TMEM218: variants seen among roughly 807,000 people sequenced by gnomAD.
TMEM218 encodes transmembrane protein 218.
A neutral mutation model predicts 10.0 loss-of-function variants in TMEM218; 8 were observed. The ratio of observed to expected loss-of-function variants is 0.80; its 90% confidence interval spans 0.47 to 1.44. The LOEUF is 1.44. Among genes scored for constraint, TMEM218 ranks in the 40% most tolerant of loss-of-function variants. The pLI is 0.00. For missense variants in TMEM218, 110 were observed against 140.1 expected (o/e 0.79, Z 1.08); for synonymous variants, 66 against 63.5 (o/e 1.04, Z -0.18).
In TMEM218 at chr11:125,107,885, C is replaced by CA. The variant is rs56007000; in HGVS notation, c.-153+3653dup. Among the ~76,000 whole-genome samples the CA allele has an allele frequency of 8.5e-3, 868 of 101,608 alleles. 7 individuals carry two copies. Among genetic ancestry groups the CA allele is most frequent in the African/African-American group, 0.024 (693 of 29,194 alleles). 66.7% of individuals were successfully genotyped at this position (101,608 alleles called of 152,430 possible). A position where few individuals can be genotyped will look rare whatever the true frequency, so the allele number is the denominator to read the frequency against. On this transcript the variant is annotated intron_variant, in intron 1 of 4. Coordinates refer to ENST00000682305, the MANE Select transcript of TMEM218 (RefSeq NM_001258244.2). ...TAAAATTATAAAACTTTATCAAAGA[C>CA]AAAAAAAAAAAAAAGAGAGAGAGAG...
chr11:125,109,298 G>GACGA (rs1953082444), intron 1 of TMEM218, among the ~76,000 whole-genome samples: 1 of 152,060 alleles, frequency 6.6e-6, no homozygotes, highest in Non-Finnish European at 1.5e-5. Flanking sequence ...TATTGTTTCT[G>GACGA]ACGAACGTAT....
chr11:125,111,166 ACC>A (rs1349637059), intron 1 of TMEM218, among the ~76,000 whole-genome samples: 1 of 152,102 alleles, frequency 6.6e-6, no homozygotes, highest in African/African-American at 2.4e-5. Flanking sequence ...GCCTGGGAAC[ACC>A]CCACTTGAAC....
In TMEM218 at chr11:125,102,270, C is replaced by T. The variant is rs2135781065; in HGVS notation, c.-29G>A. On this transcript the variant is annotated 5_prime_UTR_variant, in exon 3 of 5. Transcript: ENST00000682305. ...GCGGGGAGGCAGCGGCGGCCCCCCG[C>T]CCTGCGCGCCGCACGATCGAGTGTC... The T allele has an allele frequency of 3.1e-6, 5 of 1,606,756 alleles. No individual in the cohort carries two copies. The highest frequency in any genetic ancestry group is 4.2e-6 in the Non-Finnish European group (5 of 1,177,344).
At chr11:125,104,075 C>G (rs1951539579) in intron 1 of TMEM218, 1 of 152,206 alleles carries the variant, frequency 6.6e-6, no homozygotes, top group Admixed American at 6.5e-5. Flanking sequence ...ATATTACATT[C>G]TGATTAATGG....
At chr11:125,102,867 G>A (rs780233036) in intron 1 of TMEM218, 58 bp from the exon 2 acceptor site, 21 of 427,882 alleles carry the variant, frequency 4.9e-5, no homozygotes, top group African/African-American at 1.0e-4. Context: ...GCTAAGTGCC[G>A]TACAAACATA....
At chr11:125,105,988 A>G (rs1291820066) in intron 1 of TMEM218, among the ~76,000 whole-genome samples, 1 of 152,206 alleles carries the variant, frequency 6.6e-6, no homozygotes, top group Non-Finnish European at 1.5e-5. Context: ...AAAGCTCTAC[A>G]GAAAGTATAA....
intron 1 of TMEM218, chr11:125,103,177 A>C (rs1187659746): frequency 6.5e-6 from 1 of 154,168 alleles, no homozygotes; most frequent in African/African-American, 2.4e-5. Context: ...AGCCAGCCTT[A>C]CCACCTGAGC....
intron 1 of TMEM218, chr11:125,104,635 C>G (rs1951699901): frequency 6.6e-6 from 1 of 152,174 alleles, no homozygotes; most frequent in Non-Finnish European, 1.5e-5. Context: ...TGTGGTAACC[C>G]CAGTTCTTAG....
intron 3 of TMEM218, chr11:125,101,839 A>G (rs1321577595): frequency 1.2e-5 from 6 of 490,246 alleles, no homozygotes. Context: ...TCTGCCATAA[A>G]TCTGAACAAT....
In TMEM218 at chr11:125,096,795, C is replaced by T. The variant is rs1949701381; in HGVS notation, c.*811G>A. The T allele has an allele frequency of 6.6e-6, 1 of 152,126 alleles. No homozygotes were observed. The highest frequency in any genetic ancestry group is 1.5e-5 in the Non-Finnish European group (1 of 68,040). The allele number at this position is 152,126 out of a possible 1,614,324, so 9.4% of individuals were successfully genotyped here. A position where few individuals can be genotyped will look rare whatever the true frequency, so the allele number is the denominator to read the frequency against. On this transcript the variant is annotated 3_prime_UTR_variant, in exon 5 of 5. Coordinates refer to ENST00000682305, the MANE Select transcript of TMEM218 (RefSeq NM_001258244.2). Reference sequence around the variant, plus strand: ...TATCTGATGTTGAGAATATACCTTCCTCACTAGCTTTGGAGAAAGGGCTAC... The same window carrying T: ...TATCTGATGTTGAGAATATACCTTCTTCACTAGCTTTGGAGAAAGGGCTAC...
In TMEM218 at chr11:125,095,010, T is replaced by C. The variant is rs1565406632; in HGVS notation, c.*2596A>G. On this transcript the variant is annotated 3_prime_UTR_variant, in exon 5 of 5. Transcript: ENST00000682305. ...ATTCTGATGCAGTTTTACATTAAAT[T>C]TACATTGTACACAAAGAATGGTAGC... is the stretch of plus-strand genomic sequence containing the variant. Among the ~76,000 whole-genome samples the C allele has an allele frequency of 6.6e-6, 1 of 152,176 alleles. No individual in the cohort carries two copies. The highest frequency in any genetic ancestry group is 1.5e-5 in the Non-Finnish European group (1 of 68,028).
At position 125,094,450 on chromosome 11, in the gene TMEM218, G is replaced by C. The variant is rs1207628203; in HGVS notation, c.*3156C>G. ...TTGGATATGTGTTAAGAAAATGTCA[G>C]GTACAAACAGCTAAGAAACAGTATT... On this transcript the variant is annotated 3_prime_UTR_variant, in exon 5 of 5. Transcript: ENST00000682305. 1.3e-5 allele frequency among the ~76,000 whole-genome samples: 2 copies of C among 152,140 alleles called. No individual in the cohort carries two copies. Among genetic ancestry groups the C allele is most frequent in the East Asian group, 1.9e-4 (1 of 5,202 alleles).
intron 1 of TMEM218, among the ~76,000 whole-genome samples, chr11:125,109,706 A>ACT (rs1953254500): frequency 6.6e-6 from 1 of 152,250 alleles, no homozygotes; most frequent in Admixed American, 6.5e-5. Flanking sequence ...TCAAGGGAGA[A>ACT]GGTGTTAGAA....
intron 4 of TMEM218, among the ~76,000 whole-genome samples, chr11:125,100,580 C>A (rs1384098421): frequency 6.6e-6 from 1 of 152,186 alleles, no homozygotes. Context: ...TCCCATGGGT[C>A]TGAGACCAGC....
chr11:125,101,056 G>T (rs1270246692), intron 4 of TMEM218, 145 bp downstream of exon 4: 3 of 625,932 alleles, frequency 4.8e-6, no homozygotes, highest in Non-Finnish European at 8.2e-6. Context: ...AACTCCCTCT[G>T]AACTTTCCCC....
Position 125,101,278 on chromosome 11 carries a change from C to A in TMEM218, c.136G>T (p.Gly46Cys). 1 of 1,611,578 alleles carries A rather than the reference C, an allele frequency of 6.2e-7. No homozygotes were observed. The highest frequency in any genetic ancestry group is 8.5e-7 in the Non-Finnish European group (1 of 1,178,592). ...ARFSVIFLFF[G>C]AVIITSVLLL... ...AGAACTGATGTGATGATCACAGCAC[C>A]GAAGAATAAAAAAATGACAGAGAAC... The change falls in exon 4 of 5, where the codon GGT (glycine) becomes TGT (cysteine). Residue 46 changes from glycine (G) to cysteine (C), a missense_variant. By Grantham distance (159) the Gly-to-Cys change is radical. Transcript: ENST00000682305.
intron 1 of TMEM218, 131 bp from the exon 2 acceptor site, chr11:125,102,940 G>C (rs1188432804): frequency 8.5e-5 from 24 of 283,924 alleles, no homozygotes; most frequent in Non-Finnish European, 1.6e-4. Context: ...TTACAGGATG[G>C]GTAAGTGAGA....
Position 125,101,554 on chromosome 11 carries a change from C to T in TMEM218, c.111-251G>A, listed in dbSNP as rs987984382. 6 of 1,421,936 alleles carry T rather than the reference C, an allele frequency of 4.2e-6. No individual in the cohort carries two copies. The African/African-American group carries it at 4.3e-5, about 10-fold the overall frequency. 88.1% of individuals were successfully genotyped at this position (1,421,936 alleles called of 1,614,324 possible). A position where few individuals can be genotyped will look rare whatever the true frequency, so the allele number is the denominator to read the frequency against. On this transcript the variant is annotated intron_variant, in intron 3 of 4. Transcript: ENST00000682305. ...TGGAAATGTGTAGTTTTTATTTTTA[C>T]TTCTGCCCAAAGTCATAATCAAGAA... is the stretch of plus-strand genomic sequence containing the variant.
In TMEM218 at chr11:125,102,272, C is replaced by G; in HGVS notation, c.-31G>C. ...GGGGAGGCAGCGGCGGCCCCCCGCCCTGCGCGCCGCACGATCGAGTGTCCT... is the reference window on the plus strand; with the variant it reads ...GGGGAGGCAGCGGCGGCCCCCCGCCGTGCGCGCCGCACGATCGAGTGTCCT... On this transcript the variant is annotated 5_prime_UTR_variant, in exon 3 of 5. Transcript: ENST00000682305. 1.2e-6 allele frequency: 2 copies of G among 1,605,934 alleles called. No homozygotes were observed. Among genetic ancestry groups the G allele is most frequent in the East Asian group, 4.5e-5 (2 of 44,598 alleles).
Sources: gnomAD v4.1 joint callset for allele counts (sites outside exome capture counted in the v4.1 genomes callset) on GRCh38, gnomAD v4.1.1 for gene constraint, MANE v1.5 for transcripts, NCBI Gene and HGNC (gene_info 2026-07-23, HGNC 2026-07-21) for gene names.